Variants in ATXN10 observed in about 807,000 individuals in gnomAD.
ATXN10 encodes ataxin-10.
Under a neutral mutation model 52.9 loss-of-function variants are expected in ATXN10, and 28 were observed. That is an observed-to-expected ratio of 0.53 (90% CI 0.39 to 0.73). The LOEUF is 0.73. Among genes scored for constraint, ATXN10 ranks in the 30% least tolerant of loss-of-function variants. The pLI is 0.00. For missense variants in ATXN10, 565 were observed against 577.0 expected, an observed-to-expected ratio of 0.98 and a Z score of 0.21; for synonymous variants, 226 against 221.5, an observed-to-expected ratio of 1.02 and a Z score of -0.18.
rs1301949289 is a variant in ATXN10 at position 45,690,741 on chromosome 22, G to T, written c.308+838G>T. On this transcript the variant is annotated intron_variant, in intron 2 of 11. Coordinates refer to ENST00000252934, the MANE Select transcript of ATXN10 (RefSeq NM_013236.4). This position sits in a 1 kb window ranked among gnomAD's most constrained non-coding sequence, Gnocchi z 4.5. ...ATTTTTAAAAGTAGTTAAAACATGA[G>T]CAGGCGAGCTGTCCAGTGCTCTTCT... 6.6e-6 allele frequency among the ~76,000 whole-genome samples: 1 copy of T among 152,228 alleles called. No homozygotes were observed. The highest frequency in any genetic ancestry group is 2.4e-5 in the African/African-American group (1 of 41,470).
chr22:45,689,944 G>A (rs1388927370), intron 2 of ATXN10, 41 bp downstream of exon 2: 1 of 1,591,144 alleles, frequency 6.3e-7, no homozygotes, highest in East Asian at 2.2e-5. Flanking sequence ...CTTTGTATAT[G>A]TGCATGCTGG....
rs1029721276 is a variant in ATXN10, at chr22:45,772,863, C to T, written c.1173+32325C>T. 3.3e-5 allele frequency among the ~76,000 whole-genome samples: 5 copies of T among 152,214 alleles called. No homozygotes were observed. The highest frequency in any genetic ancestry group is 9.7e-5 in the African/African-American group (4 of 41,440). ...GGCTACCAAAAATAGATGTTGAAGT[C>T]CCTGATACAAAATGGTATGGTATTT... On this transcript the variant is annotated intron_variant, in intron 9 of 11. Coordinates refer to ENST00000252934, the MANE Select transcript of ATXN10 (RefSeq NM_013236.4). The surrounding 1 kb of genome is among the most constrained non-coding windows in gnomAD (Gnocchi z 4.1).
chr22:45,751,194 G>C (rs188680038), intron 9 of ATXN10, among the ~76,000 whole-genome samples: 4 of 152,286 alleles, frequency 2.6e-5, no homozygotes, highest in African/African-American at 7.2e-5. Context: ...GCCTCCCAAA[G>C]TGCTGGGATT....
At chr22:45,773,795 A>C (rs1219689045) in intron 9 of ATXN10, among the ~76,000 whole-genome samples, 2 of 152,214 alleles carry the variant, frequency 1.3e-5, no homozygotes, top group Non-Finnish European at 2.9e-5. Context: ...AACAGTAAAA[A>C]ATAATCACAA....
chr22:45,711,704 A>T (rs964272405), intron 5 of ATXN10, among the ~76,000 whole-genome samples: 7 of 152,090 alleles, frequency 4.6e-5, no homozygotes, highest in Non-Finnish European at 7.4e-5. Flanking sequence ...ATATTTAATT[A>T]AAAAAAACCC....
Position 45,727,936 on chromosome 22 carries a change from A to G in ATXN10, c.729-1489A>G, listed in dbSNP as rs992430447. 6.6e-6 allele frequency among the ~76,000 whole-genome samples: 1 copy of G among 151,980 alleles called. No homozygotes were observed. The highest frequency in any genetic ancestry group is 2.4e-5 in the African/African-American group (1 of 41,386). ...CTTTCGGTTTCCATTTGCATGAAAT[A>G]TCTTTTTCCACCCCCTTTACTTTGA... On this transcript the variant is annotated intron_variant, in intron 6 of 11. Transcript: ENST00000252934. This position sits in a 1 kb window ranked among gnomAD's most constrained non-coding sequence, Gnocchi z 4.6.
intron 9 of ATXN10, among the ~76,000 whole-genome samples, chr22:45,767,681 G>GA (rs1025013028): frequency 1.3e-5 from 2 of 151,086 alleles, no homozygotes; most frequent in African/African-American, 2.4e-5. Context: ...TTGAAAGAAA[G>GA]AAAAAAAAGG....
intron 8 of ATXN10, 31 bp from the exon 9 acceptor site, chr22:45,740,338 T>A: frequency 6.2e-7 from 1 of 1,612,932 alleles, no homozygotes; most frequent in Non-Finnish European, 8.5e-7. Flanking sequence ...TACTTTTCTG[T>A]GGAAAATGAA....
intron 1 of ATXN10, among the ~76,000 whole-genome samples, chr22:45,686,902 A>G (rs1241207694): frequency 6.6e-6 from 1 of 151,816 alleles, no homozygotes; most frequent in Non-Finnish European, 1.5e-5. Context: ...TGGTGGTGAG[A>G]TATGTTTGAG....
intron 9 of ATXN10, among the ~76,000 whole-genome samples, chr22:45,753,027 C>T (rs1477993475): frequency 1.3e-5 from 2 of 152,160 alleles, no homozygotes; most frequent in Non-Finnish European, 2.9e-5. Context: ...AGCTACCGTG[C>T]CCGGCTGATC....
rs527734192 is a variant in ATXN10 at position 45,682,105 on chromosome 22, A to T, written c.117-7607A>T. On this transcript the variant is annotated intron_variant, in intron 1 of 11. Coordinates refer to ENST00000252934, the MANE Select transcript of ATXN10 (RefSeq NM_013236.4). ...AGTTTTACCCTTTCTATTGGATTGC[A>T]CTCATCAGTTTATAGATCTGCTGTA... 6.6e-5 allele frequency among the ~76,000 whole-genome samples: 10 copies of T among 152,206 alleles called. No homozygotes were observed. The South Asian group carries it at 1.7e-3, about 25-fold the overall frequency.
intron 1 of ATXN10, among the ~76,000 whole-genome samples, chr22:45,685,245 C>T (rs1344590602): frequency 6.6e-6 from 1 of 151,952 alleles, no homozygotes; most frequent in East Asian, 1.9e-4. Flanking sequence ...AAGATTAAAC[C>T]CTACAGATCT....
At chr22:45,778,123 G>A (rs1169554043) in intron 9 of ATXN10, among the ~76,000 whole-genome samples, 1 of 152,154 alleles carries the variant, frequency 6.6e-6, no homozygotes, top group East Asian at 1.9e-4. Context: ...GCCCTTTACA[G>A]AAAAAGTTTG....
rs934917106 is a variant in ATXN10 at position 45,715,606 on chromosome 22, G to C, written c.648-2807G>C. 6.6e-6 allele frequency among the ~76,000 whole-genome samples: 1 copy of C among 152,174 alleles called. No individual in the cohort carries two copies. The highest frequency in any genetic ancestry group is 6.5e-5 in the Admixed American group (1 of 15,272). On this transcript the variant is annotated intron_variant, in intron 5 of 11. Transcript: ENST00000252934. This position sits in a 1 kb window ranked among gnomAD's most constrained non-coding sequence, Gnocchi z 4.4. ...GTGCCCCAAGACAATTCTTCTTCCA[G>C]TGTGGCCCAGGGAAGCCAAAAGATT...
rs1158582029 is a variant in ATXN10, at chr22:45,805,769, G to C, written c.1174-1190G>C. Among the ~76,000 whole-genome samples, 5 of 152,116 alleles carry C rather than the reference G, an allele frequency of 3.3e-5. No individual in the cohort carries two copies. The highest frequency in any genetic ancestry group is 6.5e-5 in the Admixed American group (1 of 15,268). On this transcript the variant is annotated intron_variant, in intron 9 of 11. Coordinates refer to ENST00000252934, the MANE Select transcript of ATXN10 (RefSeq NM_013236.4). The surrounding 1 kb of genome is among the most constrained non-coding windows in gnomAD (Gnocchi z 4.4). ...GGGTGAGGAAAATGTTGGAAAATTG[G>C]ATCATGCTAATGGTTATATAACTCT...
In ATXN10 at chr22:45,816,106, C is replaced by T. The variant is rs572909867; in HGVS notation, c.1237+9084C>T. ...CTCCTAAAAATACAAAAAAAAAATT[C>T]GCTAGGCGTGGTGGCACGCACCCTT... is the stretch of plus-strand genomic sequence containing the variant. On this transcript the variant is annotated intron_variant, in intron 10 of 11. Coordinates refer to ENST00000252934, the MANE Select transcript of ATXN10 (RefSeq NM_013236.4). The surrounding 1 kb of genome is among the most constrained non-coding windows in gnomAD (Gnocchi z 5.8). Among the ~76,000 whole-genome samples, 41 of 151,700 alleles carry T rather than the reference C, an allele frequency of 2.7e-4. No homozygotes were observed. Among genetic ancestry groups the T allele is most frequent in the South Asian group, 1.0e-3 (5 of 4,796 alleles).
chr22:45,690,044 A>T lies in ATXN10; in HGVS notation c.308+141A>T, dbSNP rs1320552733. 1.2e-6 allele frequency: 1 copy of T among 835,152 alleles called. No individual in the cohort carries two copies. The highest frequency in any genetic ancestry group is 1.7e-5 in the African/African-American group (1 of 59,588). The allele number at this position is 835,152 out of a possible 1,614,324, so 51.7% of individuals were successfully genotyped here. ...TCCCAGCATTTTGGGAGGCTGAGGCAGGAGGATTGCTTGAGTCCAGGAGTT... is the reference window on the plus strand; with the variant it reads ...TCCCAGCATTTTGGGAGGCTGAGGCTGGAGGATTGCTTGAGTCCAGGAGTT... On this transcript the variant is annotated intron_variant, in intron 2 of 11. Transcript: ENST00000252934. This position sits in a 1 kb window ranked among gnomAD's most constrained non-coding sequence, Gnocchi z 4.5.
intron 9 of ATXN10, among the ~76,000 whole-genome samples, chr22:45,746,264 C>G (rs1183348736): frequency 6.7e-6 from 1 of 148,898 alleles, no homozygotes; most frequent in African/African-American, 2.5e-5. Flanking sequence ...TATTTTCCAC[C>G]CTTTTTGTAT....
intron 1 of ATXN10, among the ~76,000 whole-genome samples, chr22:45,685,507 TTAA>T (rs1436284537): frequency 5.3e-5 from 8 of 152,228 alleles, no homozygotes; most frequent in Non-Finnish European, 1.0e-4. Context: ...GCAGTTATTA[TTAA>T]TAACTTTTGT....
Sources: allele counts gnomAD v4.1 joint callset (sites outside exome capture counted in the v4.1 genomes callset), GRCh38; gene constraint gnomAD v4.1.1; non-coding constraint Gnocchi (gnomAD v3.1); transcripts MANE v1.5; gene names NCBI Gene and HGNC (gene_info 2026-07-23, HGNC 2026-07-21).